Variants in PON1 observed in about 807,000 individuals in gnomAD.
PON1 encodes the protein serum paraoxonase/arylesterase 1.
Under a neutral mutation model 39.2 loss-of-function variants are expected in PON1, and 37 were observed. That is an observed-to-expected ratio of 0.94 (90% CI 0.73 to 1.24). The LOEUF (loss-of-function observed/expected upper bound fraction) is 1.24, where lower values mean the gene tolerates loss of function less well. PON1 is among the 50% of genes most tolerant of loss of function. The pLI, the probability that PON1 is intolerant of heterozygous loss-of-function variation, is 0.00. For synonymous variants in PON1, 148 were observed against 152.2 expected (o/e 0.97, Z 0.21); for missense variants, 397 against 413.5 (o/e 0.96, Z 0.35).
In PON1 at chr7:95,322,271, T is replaced by TA. The variant is rs1554608144; in HGVS notation, c.74+2130_74+2131insT. On this transcript the variant is annotated intron_variant, in intron 1 of 8. Transcript: ENST00000222381. ...AGGACATCTGCTATATGCCTGATTT[T>TA]TATATATATATATATACTTAGTTTT... Among the ~76,000 whole-genome samples the TA allele has an allele frequency of 2.5e-3, 373 of 146,580 alleles. 3 individuals are homozygous for TA. Among genetic ancestry groups the TA allele is most frequent in the African/African-American group, 6.8e-3 (272 of 40,260 alleles).
In PON1 at chr7:95,302,332, G is replaced by GACTT. The variant is rs1405382850; in HGVS notation, c.781-3_781dup (p.Ser261Ter). 6.2e-7 allele frequency: 1 copy of GACTT among 1,605,254 alleles called. No homozygotes were observed. Among genetic ancestry groups the GACTT allele is most frequent in the African/African-American group, 1.3e-5 (1 of 74,634 alleles). On this transcript the variant is annotated stop_gained and frameshift_variant and splice_region_variant, in exon 8 of 9. Transcript: ENST00000222381. LOFTEE classifies it high-confidence loss of function. Reference sequence around the variant, plus strand: ...ATCCACGAGGGTATTAAAGTCAAGGGACTTAAAAGATTAAAAACAAGAAAA... The same window carrying GACTT: ...ATCCACGAGGGTATTAAAGTCAAGGGACTTACTTAAAAGATTAAAAACAAGAAAA...
At position 95,319,131 on chromosome 7, in the gene PON1, C is replaced by CTTTTTTT. The variant is rs369225812; in HGVS notation, c.75-745_75-739dup. Among the ~76,000 whole-genome samples, 515 of 138,326 alleles carry CTTTTTTT rather than the reference C, an allele frequency of 3.7e-3. 13 individuals are homozygous for CTTTTTTT. Among genetic ancestry groups the CTTTTTTT allele is most frequent in the South Asian group, 0.033 (139 of 4,248 alleles). The allele number at this position is 138,326 out of a possible 152,430, so 90.7% of individuals were successfully genotyped here. ...ACAACCAAGAGATTTAAACAATAAA[C>CTTTTTTT]TTTTTTTTTTTTTTTTAGAGAACTA... On this transcript the variant is annotated intron_variant, in intron 1 of 8. Transcript: ENST00000222381.
Position 95,316,775 on chromosome 7 carries a change from C to T in PON1, c.160G>A (p.Asp54Asn). Residue 54 changes from aspartate to asparagine, a missense_variant, in exon 3 of 9, where the codon GAC (aspartate) becomes AAC (asparagine). Coordinates refer to ENST00000222381, the MANE Select transcript of PON1 (RefSeq NM_000446.7). ...LVKGIETGSEDLEILPNGLAF... is the reference protein window; with the variant it reads ...LVKGIETGSENLEILPNGLAF... ...AGTCCATTAGGCAGTATCTCCAAGT[C>T]TTCAGAGCCAGTTTCTGCCAGAAAA... 6.2e-7 allele frequency: 1 copy of T among 1,613,114 alleles called. No homozygotes were observed. The highest frequency in any genetic ancestry group is 8.5e-7 in the Non-Finnish European group (1 of 1,179,098).
intron 7 of PON1, among the ~76,000 whole-genome samples, chr7:95,305,296 G>A (rs1021546243): frequency 6.6e-6 from 1 of 152,110 alleles, no homozygotes; most frequent in Non-Finnish European, 1.5e-5. Context: ...GCTCTAGTTT[G>A]CTCTTGGTCT....
chr7:95,323,384 C>A (rs1056698378), intron 1 of PON1, among the ~76,000 whole-genome samples: 3 of 152,124 alleles, frequency 2.0e-5, no homozygotes, highest in African/African-American at 7.2e-5. Flanking sequence ...AGAATACCAA[C>A]TGCTTCTTAC....
intron 4 of PON1, among the ~76,000 whole-genome samples, chr7:95,313,616 A>ATG (rs1322722871): frequency 2.7e-4 from 19 of 69,578 alleles, no homozygotes; most frequent in Admixed American, 1.5e-3. Flanking sequence ...ATATATATGT[A>ATG]TATGTGTGTG....
chr7:95,313,314 T>C (rs1807694761), intron 4 of PON1, among the ~76,000 whole-genome samples: 1 of 152,204 alleles, frequency 6.6e-6, no homozygotes, highest in South Asian at 2.1e-4. Flanking sequence ...AGCATAAAGG[T>C]GGGAACAACC....
At chr7:95,305,348 C>A (rs927383320) in intron 7 of PON1, among the ~76,000 whole-genome samples, 1 of 152,146 alleles carries the variant, frequency 6.6e-6, no homozygotes, top group African/African-American at 2.4e-5. Flanking sequence ...TTGACTCCAA[C>A]CTTCAGATGA....
intron 6 of PON1, among the ~76,000 whole-genome samples, chr7:95,307,071 TTTA>T (rs1236264034): frequency 8.0e-4 from 96 of 120,106 alleles, no homozygotes; most frequent in African/African-American, 2.0e-3. Flanking sequence ...TTTTTTTTTT[TTTA>T]AAAAAAAACA....
In PON1 at chr7:95,311,366, C is replaced by G; in HGVS notation, c.497+85G>C. ...AGAAATGAGAGTTGAACAGCCATAC[C>G]TACTCTGGCCAAAAGGAAAAACTAA... On this transcript the variant is annotated intron_variant, in intron 5 of 8. Coordinates refer to ENST00000222381, the MANE Select transcript of PON1 (RefSeq NM_000446.7). The G allele has an allele frequency of 3.3e-6, 5 of 1,514,254 alleles. No individual in the cohort carries two copies. The South Asian group carries it at 5.7e-5, about 17-fold the overall frequency. 93.8% of individuals were successfully genotyped at this position (1,514,254 alleles called of 1,614,324 possible).
chr7:95,302,220 A>G lies in PON1; in HGVS notation c.894T>C (p.Asn298=). ...GMKIFFYDSE[N]PPASEVLRIQ... ...TAAAACTTACCTCTGATGCAGGAGG[A>G]TTCTCTGAGTCATAGAAGAAGATTT... The change falls in exon 8 of 9, where the codon AAT becomes AAC. Residue 298 remains asparagine, a synonymous_variant. Coordinates refer to ENST00000222381, the MANE Select transcript of PON1 (RefSeq NM_000446.7). 1 of 1,612,306 alleles carries G rather than the reference A, an allele frequency of 6.2e-7. No individual in the cohort carries two copies.
intron 8 of PON1, 77 bp downstream of exon 8, chr7:95,302,128 A>AAAAAAAAAAAAAAAAAAAATT: frequency 9.3e-7 from 1 of 1,070,196 alleles, no homozygotes; most frequent in East Asian, 2.9e-5. Flanking sequence ...AAAACCAAGA[A>AAAAAAAAAAAAAAAAAAAATT]TTGAGAATTA....
At position 95,298,892 on chromosome 7, in the gene PON1, A is replaced by G; in HGVS notation, c.*52T>C. 2 of 1,607,136 alleles carry G rather than the reference A, an allele frequency of 1.2e-6. No individual in the cohort carries two copies. Among genetic ancestry groups the G allele is most frequent in the South Asian group, 1.1e-5 (1 of 90,918 alleles). On this transcript the variant is annotated 3_prime_UTR_variant, in exon 9 of 9. Transcript: ENST00000222381. Reference sequence around the variant, plus strand: ...AACACTGGGTCCTCGGAATATGGCAAGCGGTTGAAATAATGGCCTCAGTTT... The same window carrying G: ...AACACTGGGTCCTCGGAATATGGCAGGCGGTTGAAATAATGGCCTCAGTTT...
rs563076968 is a variant in PON1 at position 95,306,204 on chromosome 7, C to A, written c.780+81G>T. 4.7e-6 allele frequency: 6 copies of A among 1,268,210 alleles called. No individual in the cohort carries two copies. The South Asian group carries it at 7.2e-5, about 15-fold the overall frequency. 78.6% of individuals were successfully genotyped at this position (1,268,210 alleles called of 1,614,324 possible). The stretch of plus-strand genomic sequence containing the variant: ...TCTCACCCACCCCAATTAAGCAGTC[C>A]TTTTTTCTTCACATTTAATTTCACA... On this transcript the variant is annotated intron_variant, in intron 7 of 8. Coordinates refer to ENST00000222381, the MANE Select transcript of PON1 (RefSeq NM_000446.7).
intron 5 of PON1, among the ~76,000 whole-genome samples, chr7:95,309,360 T>A (rs902432686): frequency 4.6e-5 from 7 of 151,586 alleles, no homozygotes; most frequent in Non-Finnish European, 1.0e-4. Context: ...CTGGATGGGC[T>A]CCAGACATAA....
At position 95,316,757 on chromosome 7, in the gene PON1, T is replaced by C; in HGVS notation, c.178A>G (p.Asn60Asp). 6.2e-7 allele frequency: 1 copy of C among 1,613,604 alleles called. No individual in the cohort carries two copies. Among genetic ancestry groups the C allele is most frequent in the Non-Finnish European group, 8.5e-7 (1 of 1,179,570 alleles). ...TGSEDLEILPNGLAFISSGLK... is the reference protein window; with the variant it reads ...TGSEDLEILPDGLAFISSGLK... Reference sequence around the variant, plus strand: ...ACAGAGCTAATGAAAGCCAGTCCATTAGGCAGTATCTCCAAGTCTTCAGAG... The same window carrying C: ...ACAGAGCTAATGAAAGCCAGTCCATCAGGCAGTATCTCCAAGTCTTCAGAG... Residue 60 changes from asparagine to aspartate, a missense_variant, in exon 3 of 9, where the codon AAT (asparagine) becomes GAT (aspartate). Asn to Asp is a conservative substitution (Grantham distance 23). Transcript: ENST00000222381.
chr7:95,313,725 G>T (rs531269462), intron 4 of PON1, among the ~76,000 whole-genome samples: 1 of 151,944 alleles, frequency 6.6e-6, no homozygotes, highest in Admixed American at 6.6e-5. Context: ...AGTTTAAAGT[G>T]TCTATAGGAA....
chr7:95,322,434 A>AC (rs1170970393), intron 1 of PON1, among the ~76,000 whole-genome samples: 1 of 151,656 alleles, frequency 6.6e-6, no homozygotes, highest in Non-Finnish European at 1.5e-5. Flanking sequence ...TTCTGGAATA[A>AC]AGTGGTAAAA....
intron 3 of PON1, 30 bp from the exon 4 acceptor site, chr7:95,315,520 C>T: frequency 1.1e-5 from 18 of 1,607,092 alleles, no homozygotes; most frequent in Non-Finnish European, 1.4e-5. Flanking sequence ...AAAAATCAAG[C>T]ACAATACCAG....
Sources: gnomAD v4.1 joint callset for allele counts (sites outside exome capture counted in the v4.1 genomes callset) on GRCh38, gnomAD v4.1.1 for gene constraint, MANE v1.5 for transcripts, NCBI Gene and HGNC (gene_info 2026-07-23, HGNC 2026-07-21) for gene names.